TNFSF4: variants seen among roughly 807,000 people sequenced by gnomAD.
The protein encoded by TNFSF4 is tumor necrosis factor ligand superfamily member 4.
A neutral mutation model predicts 7.3 loss-of-function variants in TNFSF4; 4 were observed. That is an observed-to-expected ratio of 0.55 (90% CI 0.27 to 1.25). TNFSF4 has a LOEUF of 1.25. Among genes scored for constraint, TNFSF4 ranks in the 50% most tolerant of loss-of-function variants. The pLI is 0.12. For missense variants in TNFSF4, 181 were observed against 208.8 expected, an observed-to-expected ratio of 0.87 and a Z score of 0.82; for synonymous variants, 76 against 83.7, an observed-to-expected ratio of 0.91 and a Z score of 0.50.
the TNFSF4 span, among the ~76,000 whole-genome samples, chr1:173,330,905 A>G: frequency 2.1e-5 from 3 of 142,836 alleles, no homozygotes; most frequent in African/African-American, 5.3e-5. Context: ...TTTTTTTGAG[A>G]CAGAGTTTCG....
the TNFSF4 span, among the ~76,000 whole-genome samples, chr1:173,378,883 C>T: frequency 1.5e-4 from 21 of 139,106 alleles, 2 homozygotes; most frequent in Admixed American, 1.4e-3. Flanking sequence ...CCCCTCCCCC[C>T]CCACCACAGG....
chr1:173,394,379 C>T, the TNFSF4 span, among the ~76,000 whole-genome samples: 3 of 152,300 alleles, frequency 2.0e-5, no homozygotes, highest in African/African-American at 7.2e-5. Flanking sequence ...GCTAATCAAG[C>T]TGGCCTCATG....
At chr1:173,380,017 C>T in the TNFSF4 span, among the ~76,000 whole-genome samples, 1,498 of 152,300 alleles carry the variant, frequency 9.8e-3, 23 homozygotes, top group African/African-American at 0.034. Flanking sequence ...GCGCCGGGTA[C>T]GTTTGACCAT....
the TNFSF4 span, among the ~76,000 whole-genome samples, chr1:173,243,741 C>T: frequency 1.3e-5 from 2 of 152,238 alleles, no homozygotes; most frequent in Admixed American, 6.5e-5. Flanking sequence ...CTTCTTCTCT[C>T]TTTTGATCCT....
chr1:173,272,416 T>C, the TNFSF4 span, among the ~76,000 whole-genome samples: 4 of 151,754 alleles, frequency 2.6e-5, no homozygotes, highest in African/African-American at 4.8e-5. Flanking sequence ...CTGGAAAAAA[T>C]TGCATGCCCA....
the TNFSF4 span, among the ~76,000 whole-genome samples, chr1:173,395,384 A>ATATATG: frequency 4.9e-5 from 3 of 61,818 alleles, no homozygotes; most frequent in African/African-American, 2.2e-4. Context: ...TATAATATAT[A>ATATATG]TATATATATA....
the TNFSF4 span, among the ~76,000 whole-genome samples, chr1:173,228,973 C>T: frequency 3.3e-5 from 5 of 152,124 alleles, no homozygotes; most frequent in South Asian, 2.1e-4. Flanking sequence ...CTGAAAGTGA[C>T]GGGGAGAATG....
chr1:173,347,501 T>C, the TNFSF4 span, among the ~76,000 whole-genome samples: 1 of 152,210 alleles, frequency 6.6e-6, no homozygotes, highest in Non-Finnish European at 1.5e-5. Context: ...CACTCAATCA[T>C]GCAGTAAGTA....
the TNFSF4 span, among the ~76,000 whole-genome samples, chr1:173,286,113 G>A: frequency 2.0e-5 from 3 of 152,152 alleles, no homozygotes; most frequent in African/African-American, 7.2e-5. Context: ...TTAAGTAAAT[G>A]GAAGAGTATA....
the TNFSF4 span, among the ~76,000 whole-genome samples, chr1:173,324,685 GAA>G: frequency 6.6e-6 from 1 of 151,568 alleles, no homozygotes; most frequent in Non-Finnish European, 1.5e-5. Context: ...CAAGCAAATG[GAA>G]AACAAAAAAA....
the TNFSF4 span, chr1:173,440,847 A>G: frequency 6.6e-6 from 1 of 152,244 alleles, no homozygotes; most frequent in Non-Finnish European, 1.5e-5. Context: ...GCAATCTGTA[A>G]GGTTTAAAAT....
At chr1:173,257,212 T>C in the TNFSF4 span, among the ~76,000 whole-genome samples, 2 of 152,250 alleles carry the variant, frequency 1.3e-5, no homozygotes, top group African/African-American at 4.8e-5. Flanking sequence ...TGACTCCATA[T>C]TGTATGATGC....
At chr1:173,264,683 A>G in the TNFSF4 span, among the ~76,000 whole-genome samples, 30 of 152,340 alleles carry the variant, frequency 2.0e-4, no homozygotes, top group African/African-American at 7.2e-4. Flanking sequence ...CAAAATGTTA[A>G]TATGCATTCC....
the TNFSF4 span, among the ~76,000 whole-genome samples, chr1:173,346,484 CCTGGAAG>C: frequency 6.6e-5 from 10 of 152,234 alleles, no homozygotes; most frequent in East Asian, 1.9e-3. Flanking sequence ...ATGTTCCCTA[CCTGGAAG>C]CTGAAGTTAC....
the TNFSF4 span, among the ~76,000 whole-genome samples, chr1:173,320,536 T>C: frequency 5.3e-5 from 8 of 152,180 alleles, no homozygotes; most frequent in African/African-American, 1.7e-4. Context: ...GGAACTCAAA[T>C]TGTCTCTGTT....
At chr1:173,357,892 C>T in the TNFSF4 span, among the ~76,000 whole-genome samples, 1 of 152,160 alleles carries the variant, frequency 6.6e-6, no homozygotes, top group Admixed American at 6.5e-5. Flanking sequence ...ATAACACACA[C>T]TATAGTATAG....
the TNFSF4 span, among the ~76,000 whole-genome samples, chr1:173,368,323 A>C: frequency 6.6e-6 from 1 of 152,104 alleles, no homozygotes; most frequent in African/African-American, 2.4e-5. Context: ...CTCACTGCAA[A>C]GGTCCATGGT....
chr1:173,238,331 A>T, the TNFSF4 span, among the ~76,000 whole-genome samples: 1 of 152,240 alleles, frequency 6.6e-6, no homozygotes, highest in Non-Finnish European at 1.5e-5. Flanking sequence ...CATGCTGGAC[A>T]TAGAAAATGG....
the TNFSF4 span, among the ~76,000 whole-genome samples, chr1:173,221,946 T>C: frequency 4.3e-3 from 650 of 152,278 alleles, 4 homozygotes; most frequent in Non-Finnish European, 5.8e-3. Flanking sequence ...AAGTTGGAAG[T>C]TTTCTTGTCA....
Sources: gnomAD v4.1 joint callset for allele counts (sites outside exome capture counted in the v4.1 genomes callset) on GRCh38, gnomAD v4.1.1 for gene constraint, MANE v1.5 for transcripts, NCBI Gene and HGNC (gene_info 2026-07-23, HGNC 2026-07-21) for gene names.